Variants in ENTHD1 observed in about 807,000 individuals in gnomAD.
ENTHD1 encodes ENTH domain containing 1.
ENTHD1 carries 23 observed loss-of-function variants against 39.1 expected under a neutral mutation model. The observed-to-expected ratio is 0.59, with a 90% CI of 0.42 to 0.83. ENTHD1 has a LOEUF of 0.83. Among genes scored for constraint, ENTHD1 ranks in the 40% least tolerant of loss-of-function variants. The pLI, the probability that ENTHD1 is intolerant of heterozygous loss-of-function variation, is 0.00. For missense variants in ENTHD1, 624 were observed against 705.4 expected (o/e 0.88, Z 1.31); for synonymous variants, 230 against 258.2 (o/e 0.89, Z 1.05).
intron 3 of ENTHD1, among the ~76,000 whole-genome samples, chr22:39,839,682 C>T (rs191969923): frequency 2.5e-4 from 38 of 152,300 alleles, no homozygotes; most frequent in African/African-American, 8.7e-4. Context: ...CTTAGATCAT[C>T]TATCTACTTT....
At chr22:39,745,234 T>A (rs905874937) in intron 6 of ENTHD1, among the ~76,000 whole-genome samples, 3 of 152,210 alleles carry the variant, frequency 2.0e-5, no homozygotes, top group Non-Finnish European at 4.4e-5. Context: ...TTACATTCAC[T>A]TATGATATGT....
In ENTHD1 at chr22:39,748,379, C is replaced by A. The variant is rs533413873; in HGVS notation, c.1220-4096G>T. ...CTTAATAAGAAACATTTTAAGTAGG[C>A]CAAGACGGAAATAATATTTGAGTCA... On this transcript the variant is annotated intron_variant, in intron 6 of 6. Transcript: ENST00000325157. Among the ~76,000 whole-genome samples, 296 of 151,946 alleles carry A rather than the reference C, an allele frequency of 1.9e-3. 2 individuals are homozygous for A. The highest frequency in any genetic ancestry group is 0.01 in the Middle Eastern group (3 of 292).
chr22:39,827,084 C>T (rs541046795), intron 4 of ENTHD1, among the ~76,000 whole-genome samples: 136 of 150,286 alleles, frequency 9.0e-4, no homozygotes, highest in African/African-American at 3.2e-3. Flanking sequence ...GGCGCGATCT[C>T]GGCTCACTGC....
At chr22:39,748,197 C>T (rs915556443) in intron 6 of ENTHD1, among the ~76,000 whole-genome samples, 8 of 149,030 alleles carry the variant, frequency 5.4e-5, no homozygotes, top group African/African-American at 1.5e-4. Flanking sequence ...TGCAGTGAGC[C>T]GTGGTCATGC....
chr22:39,873,007 T>C (rs1811548547), intron 2 of ENTHD1, among the ~76,000 whole-genome samples: 1 of 151,888 alleles, frequency 6.6e-6, no homozygotes, highest in East Asian at 1.9e-4. Flanking sequence ...TTTTTTAATG[T>C]AGAGACAGGG....
intron 3 of ENTHD1, among the ~76,000 whole-genome samples, chr22:39,853,783 C>A (rs1387804132): frequency 6.6e-6 from 1 of 152,018 alleles, no homozygotes. Context: ...CCATGTTGGC[C>A]GGGCTGGTCT....
chr22:39,776,279 C>A (rs1245186310), intron 5 of ENTHD1, among the ~76,000 whole-genome samples: 1 of 152,176 alleles, frequency 6.6e-6, no homozygotes, highest in Non-Finnish European at 1.5e-5. Context: ...GACTTTCCAA[C>A]CTTTGCTGGG....
chr22:39,819,608 G>A (rs1245617224), intron 5 of ENTHD1, among the ~76,000 whole-genome samples: 1 of 152,126 alleles, frequency 6.6e-6, no homozygotes, highest in Non-Finnish European at 1.5e-5. Context: ...GATGAATAGA[G>A]CACAGAGGAT....
Position 39,743,373 on chromosome 22 carries a change from G to T in ENTHD1, c.*306C>A. The T allele has an allele frequency of 4.2e-6, 1 of 235,700 alleles. No individual in the cohort carries two copies. Among genetic ancestry groups the T allele is most frequent in the Non-Finnish European group, 8.2e-6 (1 of 122,434 alleles). The allele number at this position is 235,700 out of a possible 1,614,324, so 14.6% of individuals were successfully genotyped here. A position where few individuals can be genotyped will look rare whatever the true frequency, so the allele number is the denominator to read the frequency against. ...CTTGAATAGTCATTTGCAGTTTGAGGTCTTACCACAATTTTCACTAATGCT... is the reference window on the plus strand; with the variant it reads ...CTTGAATAGTCATTTGCAGTTTGAGTTCTTACCACAATTTTCACTAATGCT... On this transcript the variant is annotated 3_prime_UTR_variant, in exon 7 of 7. Transcript: ENST00000325157.
At chr22:39,758,871 A>T (rs738314) in intron 6 of ENTHD1, among the ~76,000 whole-genome samples, 47,172 of 152,110 alleles carry the variant, frequency 0.31, 9,419 homozygotes, top group Non-Finnish European at 0.44. Flanking sequence ...AGATAATTTT[A>T]TCATTTCCAT....
At chr22:39,841,075 A>AT (rs1284090496) in intron 3 of ENTHD1, among the ~76,000 whole-genome samples, 3 of 151,860 alleles carry the variant, frequency 2.0e-5, no homozygotes, top group Non-Finnish European at 2.9e-5. Context: ...TATTTGTCAT[A>AT]TTTTTTTTAA....
chr22:39,887,285 C>G, intron 2 of ENTHD1, 115 bp downstream of exon 2: 5 of 864,222 alleles, frequency 5.8e-6, no homozygotes, highest in Non-Finnish European at 8.8e-6. Flanking sequence ...AATCTTTCCT[C>G]ACTACAGCAT....
chr22:39,846,080 T>TA (rs1266088223), intron 3 of ENTHD1, among the ~76,000 whole-genome samples: 4 of 152,162 alleles, frequency 2.6e-5, no homozygotes, highest in Non-Finnish European at 5.9e-5. Context: ...AAAGGACAGT[T>TA]TCTTTGATAA....
At chr22:39,744,435 A>T (rs1294420964) in intron 6 of ENTHD1, 152 bp from the exon 7 acceptor site, 8 of 636,028 alleles carry the variant, frequency 1.3e-5, no homozygotes, top group Non-Finnish European at 1.9e-5. Flanking sequence ...TAATAAGCTT[A>T]AAAAAACCCA....
intron 4 of ENTHD1, among the ~76,000 whole-genome samples, chr22:39,824,051 C>T (rs1256738816): frequency 6.6e-6 from 1 of 152,042 alleles, no homozygotes; most frequent in Non-Finnish European, 1.5e-5. Flanking sequence ...TAGTCCTTTG[C>T]CAGATACGGG....
intron 5 of ENTHD1, among the ~76,000 whole-genome samples, chr22:39,798,544 G>T (rs1259568866): frequency 6.6e-6 from 1 of 152,090 alleles, no homozygotes; most frequent in African/African-American, 2.4e-5. Flanking sequence ...AGTGGCTTAG[G>T]CTGTGGTTGT....
intron 2 of ENTHD1, among the ~76,000 whole-genome samples, chr22:39,873,762 A>G (rs2066263330): frequency 6.6e-6 from 1 of 152,252 alleles, no homozygotes; most frequent in Admixed American, 6.5e-5. Context: ...CTATCTCACA[A>G]TATACACAAA....
At chr22:39,880,041 A>G (rs2066325300) in intron 2 of ENTHD1, among the ~76,000 whole-genome samples, 1 of 152,216 alleles carries the variant, frequency 6.6e-6, no homozygotes, top group Admixed American at 6.5e-5. Flanking sequence ...CAGCCTGGGC[A>G]ATGTAGTGAG....
intron 5 of ENTHD1, among the ~76,000 whole-genome samples, chr22:39,784,513 TGAA>T (rs1206862616): frequency 2.0e-5 from 3 of 148,954 alleles, no homozygotes; most frequent in Non-Finnish European, 4.4e-5. Context: ...CCACCAATGA[TGAA>T]GAAAATGCGC....
Sources: allele counts gnomAD v4.1 joint callset (sites outside exome capture counted in the v4.1 genomes callset), GRCh38; gene constraint gnomAD v4.1.1; transcripts MANE v1.5; gene names NCBI Gene and HGNC (gene_info 2026-07-23, HGNC 2026-07-21).